Variants in BNIP2 observed in about 807,000 individuals in gnomAD.
BNIP2 encodes BCL2/adenovirus E1B 19 kDa protein-interacting protein 2.
Under a neutral mutation model 43.4 loss-of-function variants are expected in BNIP2, and 36 were observed. That is an observed-to-expected ratio of 0.83 (90% CI 0.64 to 1.10). The LOEUF (loss-of-function observed/expected upper bound fraction) is 1.10. Among genes scored for constraint, BNIP2 ranks in the 50% least tolerant of loss-of-function variants. The pLI is 0.00. For synonymous variants in BNIP2, 146 were observed against 121.0 expected, an observed-to-expected ratio of 1.21 and a Z score of -1.35; for missense variants, 417 against 374.1, an observed-to-expected ratio of 1.11 and a Z score of -0.95.
Position 59,662,130 on chromosome 15 carries a change from TTTTAAACTGAAGAACCAAG to T in BNIP2, c.*1920_*1938del, listed in dbSNP as rs1483131969. Reference sequence around the variant, plus strand: ...AAGAGTTGAAGTTATTCTTCATATTTTTTAAACTGAAGAACCAAGTACTTAATGTGGTAGAAAACCACCT... The same window carrying T: ...AAGAGTTGAAGTTATTCTTCATATTTTACTTAATGTGGTAGAAAACCACCT... On this transcript the variant is annotated 3_prime_UTR_variant, in exon 10 of 10. Coordinates refer to ENST00000607373, the MANE Select transcript of BNIP2 (RefSeq NM_004330.4). 6.6e-6 allele frequency: 1 copy of T among 152,238 alleles called. No individual in the cohort carries two copies. The highest frequency in any genetic ancestry group is 1.5e-5 in the Non-Finnish European group (1 of 68,042). The allele number at this position is 152,238 out of a possible 1,614,324, so 9.4% of individuals were successfully genotyped here.
At chr15:59,669,764 T>A (rs1394142489) in intron 7 of BNIP2, among the ~76,000 whole-genome samples, 1 of 152,222 alleles carries the variant, frequency 6.6e-6, no homozygotes, top group Non-Finnish European at 1.5e-5. Flanking sequence ...CAGAGAAGTG[T>A]GAGTGGAGAA....
chr15:59,675,735 C>A (rs6494137), intron 5 of BNIP2, among the ~76,000 whole-genome samples: 1 of 152,248 alleles, frequency 6.6e-6, no homozygotes, highest in Non-Finnish European at 1.5e-5. Flanking sequence ...TAAAAAAAAA[C>A]GGATAAGCAA....
At chr15:59,678,742 C>T (rs1377555352) in intron 4 of BNIP2, 8 of 1,289,108 alleles carry the variant, frequency 6.2e-6, no homozygotes, top group South Asian at 1.3e-5. Flanking sequence ...GTATTATAGT[C>T]CTTACCAAAA....
Position 59,662,176 on chromosome 15 carries a change from T to C in BNIP2, c.*1893A>G, listed in dbSNP as rs1255330610. ...ACTTAATGTGGTAGAAAACCACCTA[T>C]TAAAAACCTCAGCCCATTTTGAGCA... is the stretch of plus-strand genomic sequence containing the variant. On this transcript the variant is annotated 3_prime_UTR_variant, in exon 10 of 10. Coordinates refer to ENST00000607373, the MANE Select transcript of BNIP2 (RefSeq NM_004330.4). The C allele has an allele frequency of 1.3e-5, 2 of 152,228 alleles. No homozygotes were observed. Among genetic ancestry groups the C allele is most frequent in the Non-Finnish European group, 2.9e-5 (2 of 68,044 alleles). The allele number at this position is 152,228 out of a possible 1,614,324, so 9.4% of individuals were successfully genotyped here. A position where few individuals can be genotyped will look rare whatever the true frequency, so the allele number is the denominator to read the frequency against.
At chr15:59,682,903 T>C (rs773659334) in intron 1 of BNIP2, among the ~76,000 whole-genome samples, 5 of 152,218 alleles carry the variant, frequency 3.3e-5, no homozygotes, top group Non-Finnish European at 7.3e-5. Flanking sequence ...GGATAGAGGT[T>C]GATTCTAGAC....
intron 1 of BNIP2, 95 bp downstream of exon 1, chr15:59,689,040 C>G: frequency 9.6e-6 from 14 of 1,458,252 alleles, no homozygotes; most frequent in Non-Finnish European, 1.3e-5. Context: ...TCTCCCCGGA[C>G]GTCGTGGGCA....
intron 1 of BNIP2, among the ~76,000 whole-genome samples, chr15:59,687,515 C>G (rs1894100359): frequency 6.6e-6 from 1 of 151,980 alleles, no homozygotes. Flanking sequence ...CCATGCCTGG[C>G]TAATTTTTGT....
chr15:59,679,872 T>C lies in BNIP2; in HGVS notation c.119-104A>G, dbSNP rs771396994. ...ACCCCATTCTTGGGAAAAAATAATA[T>C]TAATTGAACATAATTTCAAAGCACC... On this transcript the variant is annotated intron_variant, in intron 3 of 9. Transcript: ENST00000607373. The C allele has an allele frequency of 5.4e-5, 56 of 1,037,208 alleles. No individual in the cohort carries two copies. In the Admixed American group the frequency reaches 1.0e-3, roughly 19 times the overall value. 64.3% of individuals were successfully genotyped at this position (1,037,208 alleles called of 1,614,324 possible).
chr15:59,672,661 C>T lies in BNIP2; in HGVS notation c.551G>A (p.Arg184Lys), dbSNP rs928940841. ...CTTAAAAAGATTGTCCATCAGGTAT[C>T]TATAGTTAGGCTGACTACTTTCAGG... ...FMPESSQPNY[R>K]YLMDNLFKYV... The change falls in exon 6 of 10, where the codon AGA becomes AAA. Residue 184 changes from arginine (R) to lysine (K), a missense_variant. By Grantham distance (26) the Arg-to-Lys change is conservative (BLOSUM62 2). Transcript: ENST00000607373. The T allele has an allele frequency of 6.2e-7, 1 of 1,613,356 alleles. No individual in the cohort carries two copies.
At position 59,678,773 on chromosome 15, in the gene BNIP2, T is replaced by A. The variant is rs1473662207; in HGVS notation, c.296-686A>T. The A allele has an allele frequency of 2.3e-6, 3 of 1,302,034 alleles. No homozygotes were observed. In the South Asian group the frequency reaches 3.7e-5, roughly 16 times the overall value. The allele number at this position is 1,302,034 out of a possible 1,614,324, so 80.7% of individuals were successfully genotyped here. On this transcript the variant is annotated intron_variant, in intron 4 of 9. Coordinates refer to ENST00000607373, the MANE Select transcript of BNIP2 (RefSeq NM_004330.4). ...CAAAAGATGGGGGGAGGGGGAAACC[T>A]ACTGCATGTTAGTTGTTTCCAAGAC...
At chr15:59,672,340 C>T in intron 6 of BNIP2, 1 of 216,864 alleles carries the variant, frequency 4.6e-6, no homozygotes, top group Non-Finnish European at 9.1e-6. Flanking sequence ...GTGGCAAAAT[C>T]ACAGTTCACT....
At chr15:59,676,619 A>C (rs2142005466) in intron 5 of BNIP2, 1 of 562,048 alleles carries the variant, frequency 1.8e-6, no homozygotes. Context: ...AATGCTTATT[A>C]TTCTTTCAAA....
chr15:59,669,484 GT>G, intron 7 of BNIP2, 122 bp from the exon 8 acceptor site: 1 of 606,456 alleles, frequency 1.6e-6, no homozygotes, highest in Admixed American at 3.7e-5. Context: ...TCAATTAGGT[GT>G]GATACCCCTG....
chr15:59,678,109 G>A, intron 4 of BNIP2, 22 bp from the exon 5 acceptor site: 1 of 1,588,190 alleles, frequency 6.3e-7, no homozygotes. Context: ...CAAAGTTTTT[G>A]AATCACAAAT....
intron 3 of BNIP2, 144 bp from the exon 4 acceptor site, chr15:59,679,912 T>G: frequency 2.6e-6 from 2 of 759,786 alleles, no homozygotes; most frequent in South Asian, 2.2e-5. Flanking sequence ...CACAAAATTT[T>G]TATTCTGATC....
At chr15:59,664,455 C>T (rs1295891361) in intron 9 of BNIP2, among the ~76,000 whole-genome samples, 5 of 152,016 alleles carry the variant, frequency 3.3e-5, no homozygotes, top group East Asian at 1.9e-4. Flanking sequence ...AATCTCAGCT[C>T]GCTGCAATCT....
At chr15:59,678,754 A>AC (rs1893468210) in intron 4 of BNIP2, 1 of 1,292,276 alleles carries the variant, frequency 7.7e-7, no homozygotes, top group South Asian at 1.3e-5. Flanking sequence ...TTACCAAAAG[A>AC]TGGGGGGAGG....
intron 9 of BNIP2, among the ~76,000 whole-genome samples, chr15:59,668,413 A>G (rs1409137353): frequency 1.2e-4 from 19 of 152,374 alleles, no homozygotes; most frequent in African/African-American, 3.8e-4. Context: ...AAGAAGTTAC[A>G]TGGAAGAATG....
intron 5 of BNIP2, 21 bp from the exon 6 acceptor site, chr15:59,672,760 A>G (rs774901404): frequency 9.5e-6 from 15 of 1,583,154 alleles, no homozygotes; most frequent in Non-Finnish European, 1.3e-5. Context: ...AACCAAAGAC[A>G]GTATCACCAG....
Sources: gnomAD v4.1 joint callset for allele counts (sites outside exome capture counted in the v4.1 genomes callset) on GRCh38, gnomAD v4.1.1 for gene constraint, MANE v1.5 for transcripts, NCBI Gene and HGNC (gene_info 2026-07-23, HGNC 2026-07-21) for gene names.